Variants in SGCZ observed in about 807,000 individuals in gnomAD.
SGCZ encodes zeta-sarcoglycan.
In SGCZ, 40 loss-of-function variants were observed where a neutral mutation model predicts 41.3. The ratio of observed to expected loss-of-function variants is 0.97; its 90% CI spans 0.75 to 1.26. The LOEUF (loss-of-function observed/expected upper bound fraction) is 1.26, where lower values mean the gene tolerates loss of function less well. Among genes scored for constraint, SGCZ ranks in the 50% most tolerant of loss-of-function variants. The probability of loss-of-function intolerance (pLI) is 0.00; values close to 1 mark genes in which losing one functional copy is unlikely to be tolerated. For synonymous variants in SGCZ, 206 were observed against 137.5 expected (o/e 1.50, Z -3.49); for missense variants, 552 against 369.8 (o/e 1.49, Z -4.04).
chr8:14,264,425 C>T (rs1001923178), intron 3 of SGCZ, among the ~76,000 whole-genome samples: 1 of 152,130 alleles, frequency 6.6e-6, no homozygotes, highest in Non-Finnish European at 1.5e-5. Flanking sequence ...CAGCCTCAGA[C>T]AGAAATCCAT....
intron 1 of SGCZ, among the ~76,000 whole-genome samples, chr8:14,869,305 A>C (rs1465256765): frequency 6.6e-6 from 1 of 152,206 alleles, no homozygotes; most frequent in East Asian, 1.9e-4. Flanking sequence ...AATAAACGTA[A>C]TCCATCACAT....
chr8:15,062,560 T>G (rs1311303318), intron 1 of SGCZ, among the ~76,000 whole-genome samples: 1 of 152,138 alleles, frequency 6.6e-6, no homozygotes, highest in East Asian at 1.9e-4. Flanking sequence ...ACACAGCTAT[T>G]TCACTTACTT....
At chr8:14,826,754 A>G (rs1199062895) in intron 1 of SGCZ, among the ~76,000 whole-genome samples, 2 of 152,132 alleles carry the variant, frequency 1.3e-5, no homozygotes, top group Non-Finnish European at 2.9e-5. Context: ...GTCTGTTTAT[A>G]TCCTTTGCCG....
chr8:14,090,769 T>C, intron 7 of SGCZ, 132 bp from the exon 8 acceptor site: 2 of 771,338 alleles, frequency 2.6e-6, no homozygotes, highest in Non-Finnish European at 4.0e-6. Context: ...TGCCATGCTT[T>C]GTTGAACAAA....
At chr8:14,212,467 C>CAAAA (rs33947419) in intron 4 of SGCZ, among the ~76,000 whole-genome samples, 61 of 97,790 alleles carry the variant, frequency 6.2e-4, no homozygotes, top group Middle Eastern at 5.2e-3. Flanking sequence ...ATGCAAAAGA[C>CAAAA]AAAAAAAAAA....
intron 1 of SGCZ, among the ~76,000 whole-genome samples, chr8:14,859,035 T>C (rs867398013): frequency 1.6e-4 from 24 of 152,152 alleles, no homozygotes; most frequent in Admixed American, 1.3e-4. Context: ...CTGTCAGTTA[T>C]TATTTTAGGT....
chr8:15,014,793 G>A (rs1802962656), intron 1 of SGCZ, among the ~76,000 whole-genome samples: 1 of 152,208 alleles, frequency 6.6e-6, no homozygotes. Context: ...CATTGTGACA[G>A]CCTCACAATT....
chr8:14,154,249 A>G (rs980031419), intron 5 of SGCZ, among the ~76,000 whole-genome samples: 11 of 152,058 alleles, frequency 7.2e-5, no homozygotes, highest in Non-Finnish European at 1.0e-4. Context: ...GGTCGCCTGT[A>G]GTCCCAGCTA....
intron 1 of SGCZ, among the ~76,000 whole-genome samples, chr8:14,963,548 A>T (rs1234372295): frequency 2.6e-5 from 4 of 151,858 alleles, no homozygotes; most frequent in African/African-American, 4.8e-5. Flanking sequence ...GGGTTTCAAC[A>T]TGTTGCCCAG....
At chr8:14,733,901 T>C (rs971099720) in intron 1 of SGCZ, among the ~76,000 whole-genome samples, 15 of 152,224 alleles carry the variant, frequency 9.9e-5, no homozygotes, top group Admixed American at 9.2e-4. Flanking sequence ...ATTTTGCTCC[T>C]CTGAGTAGAT....
intron 1 of SGCZ, among the ~76,000 whole-genome samples, chr8:14,657,262 A>G (rs906831474): frequency 6.6e-6 from 1 of 152,046 alleles, no homozygotes; most frequent in Non-Finnish European, 1.5e-5. Context: ...TCCCTCATGA[A>G]CAGGAAGGCA....
chr8:15,189,229 TC>T (rs1348962510), intron 1 of SGCZ, among the ~76,000 whole-genome samples: 4 of 152,180 alleles, frequency 2.6e-5, no homozygotes, highest in Admixed American at 2.0e-4. Flanking sequence ...ATTTGGAAGG[TC>T]AATTTTGTCA....
At chr8:14,885,116 G>T (rs1277672543) in intron 1 of SGCZ, among the ~76,000 whole-genome samples, 2 of 152,162 alleles carry the variant, frequency 1.3e-5, no homozygotes, top group African/African-American at 4.8e-5. Context: ...TCCCAGGTGG[G>T]CTTTCACAAC....
chr8:14,311,503 G>C (rs1421794089), intron 3 of SGCZ, among the ~76,000 whole-genome samples: 1 of 152,138 alleles, frequency 6.6e-6, no homozygotes, highest in Non-Finnish European at 1.5e-5. Flanking sequence ...TTCACAGCTA[G>C]ATCTCTTCAA....
rs746899003 is a variant in SGCZ, at chr8:14,363,457, G to A, written c.235-39253C>T. On this transcript the variant is annotated intron_variant, in intron 2 of 7. Coordinates refer to ENST00000382080, the MANE Select transcript of SGCZ (RefSeq NM_139167.4). ...CACTTTGGCATTTTGTTTTATGCCC[G>A]TAGGTAATAAGCCCAAGACAGGAGG... 1.1e-3 allele frequency among the ~76,000 whole-genome samples: 163 copies of A among 152,266 alleles called. 1 individual carries two copies. The highest frequency in any genetic ancestry group is 8.1e-3 in the Admixed American group (124 of 15,282).
At chr8:14,478,724 A>G (rs950419768) in intron 2 of SGCZ, among the ~76,000 whole-genome samples, 18 of 152,120 alleles carry the variant, frequency 1.2e-4, no homozygotes, top group African/African-American at 3.9e-4. Context: ...GTGTCTTTAT[A>G]TTTCCCCCAA....
At chr8:14,337,189 C>G (rs1445127856) in intron 2 of SGCZ, among the ~76,000 whole-genome samples, 1 of 152,100 alleles carries the variant, frequency 6.6e-6, no homozygotes, top group African/African-American at 2.4e-5. Flanking sequence ...CATGCAGAAG[C>G]CTTCCACAAA....
chr8:14,495,675 C>A (rs186687150), intron 2 of SGCZ, among the ~76,000 whole-genome samples: 8 of 152,222 alleles, frequency 5.3e-5, no homozygotes, highest in African/African-American at 1.7e-4. Flanking sequence ...GGTGAAAGAC[C>A]AAACCCTCAT....
chr8:14,922,749 T>C (rs940760267), intron 1 of SGCZ, among the ~76,000 whole-genome samples: 1 of 152,124 alleles, frequency 6.6e-6, no homozygotes, highest in Admixed American at 6.5e-5. Context: ...TTTGCATACA[T>C]TCAAGATAAA....
Sources: allele counts gnomAD v4.1 joint callset (sites outside exome capture counted in the v4.1 genomes callset), GRCh38; gene constraint gnomAD v4.1.1; transcripts MANE v1.5; gene names NCBI Gene and HGNC (gene_info 2026-07-23, HGNC 2026-07-21).